AMPH: variants seen among roughly 807,000 people sequenced by gnomAD.
AMPH encodes amphiphysin (Stiff-Mann syndrome with breast cancer 128kD autoantigen).
In AMPH, 49 loss-of-function variants were observed where a neutral mutation model predicts 99.1. The observed-to-expected ratio is 0.49, with a 90% CI of 0.39 to 0.63. AMPH has a LOEUF of 0.63. Among genes scored for constraint, AMPH ranks in the 20% least tolerant of loss-of-function variants. The probability of loss-of-function intolerance (pLI) is 0.00; values close to 1 mark genes in which losing one functional copy is unlikely to be tolerated. For synonymous variants in AMPH, 314 were observed against 317.3 expected (o/e 0.99, Z 0.11); for missense variants, 759 against 863.4 (o/e 0.88, Z 1.52).
intron 15 of AMPH, among the ~76,000 whole-genome samples, chr7:38,425,718 T>C (rs918471737): frequency 6.6e-6 from 1 of 152,096 alleles, no homozygotes; most frequent in Non-Finnish European, 1.5e-5. Context: ...GATAATACTT[T>C]AGAAATCAAG....
At chr7:38,404,058 G>C (rs1435984891) in intron 17 of AMPH, among the ~76,000 whole-genome samples, 1 of 152,146 alleles carries the variant, frequency 6.6e-6, no homozygotes, top group Non-Finnish European at 1.5e-5. Context: ...AGGCCATTTT[G>C]CTGATAGCCA....
intron 5 of AMPH, among the ~76,000 whole-genome samples, chr7:38,482,755 G>A (rs1489446528): frequency 1.3e-5 from 2 of 152,072 alleles, no homozygotes; most frequent in Non-Finnish European, 2.9e-5. Flanking sequence ...TGAACAAGTT[G>A]TAAGCTGCTT....
intron 1 of AMPH, among the ~76,000 whole-genome samples, chr7:38,594,082 G>A (rs561184741): frequency 2.6e-5 from 4 of 152,250 alleles, no homozygotes; most frequent in East Asian, 1.9e-4. Flanking sequence ...AGGGGGTCAC[G>A]GGAAGAAGCA....
At chr7:38,395,871 T>C (rs1297459122) in intron 17 of AMPH, among the ~76,000 whole-genome samples, 1 of 152,210 alleles carries the variant, frequency 6.6e-6, no homozygotes, top group Non-Finnish European at 1.5e-5. Context: ...AAAGCAGTTT[T>C]AAAAACGTTT....
chr7:38,521,395 C>T (rs753819370), intron 2 of AMPH, among the ~76,000 whole-genome samples: 2 of 152,124 alleles, frequency 1.3e-5, no homozygotes, highest in Admixed American at 6.5e-5. Flanking sequence ...GTGGCAGGCA[C>T]CTGTAATCCC....
intron 20 of AMPH, among the ~76,000 whole-genome samples, chr7:38,388,742 T>G (rs1784412253): frequency 6.6e-6 from 1 of 152,112 alleles, no homozygotes; most frequent in African/African-American, 2.4e-5. Context: ...TGGGCTCAAG[T>G]GATCCTCCCA....
chr7:38,428,325 T>A (rs1489806313), intron 14 of AMPH: 1 of 456,624 alleles, frequency 2.2e-6, no homozygotes, highest in Non-Finnish European at 4.4e-6. Flanking sequence ...ATGACTACGG[T>A]TCTCAGTTAC....
At chr7:38,451,361 TATATATATGTGTATATAC>T (rs1787018544) in intron 11 of AMPH, among the ~76,000 whole-genome samples, 1 of 134,750 alleles carries the variant, frequency 7.4e-6, no homozygotes, top group Non-Finnish European at 1.5e-5. Flanking sequence ...TATATACACG[TATATATATGTGTATATAC>T]ACATGTATAT....
In AMPH at chr7:38,580,318, C is replaced by T. The variant is rs141857661; in HGVS notation, c.70-45307G>A. 3.9e-3 allele frequency among the ~76,000 whole-genome samples: 594 copies of T among 152,240 alleles called. 6 individuals carry two copies. The highest frequency in any genetic ancestry group is 0.014 in the African/African-American group (562 of 41,558). ...TCTGAATTCCATTAAGCATGTAAAA[C>T]CCTGCATTCTTTATCTCCTTATTAG... On this transcript the variant is annotated intron_variant, in intron 1 of 20. Transcript: ENST00000356264.
chr7:38,510,367 T>G (rs1423614095), intron 2 of AMPH, among the ~76,000 whole-genome samples: 1 of 152,106 alleles, frequency 6.6e-6, no homozygotes, highest in Non-Finnish European at 1.5e-5. Context: ...CCCAAAACAG[T>G]CACATTCTGA....
intron 13 of AMPH, among the ~76,000 whole-genome samples, chr7:38,431,650 C>T (rs1786033143): frequency 6.8e-6 from 1 of 146,176 alleles, no homozygotes; most frequent in Non-Finnish European, 1.5e-5. Context: ...CAGCGAGACT[C>T]CGTCTTAAAA....
chr7:38,527,158 T>C (rs1272719967), intron 2 of AMPH, among the ~76,000 whole-genome samples: 1 of 152,270 alleles, frequency 6.6e-6, no homozygotes, highest in Non-Finnish European at 1.5e-5. Flanking sequence ...CTTGATTATT[T>C]CACCTATGTG....
intron 1 of AMPH, among the ~76,000 whole-genome samples, chr7:38,536,212 AGTAACAAATT>A (rs1445243483): frequency 6.6e-6 from 1 of 152,220 alleles, no homozygotes; most frequent in Non-Finnish European, 1.5e-5. Context: ...ACAGGACATA[AGTAACAAATT>A]GTACTTGCTG....
intron 1 of AMPH, among the ~76,000 whole-genome samples, chr7:38,553,440 T>C (rs540438672): frequency 2.6e-5 from 4 of 152,304 alleles, no homozygotes; most frequent in African/African-American, 9.6e-5. Flanking sequence ...CAGACAACCA[T>C]TTTGTAGTTT....
intron 12 of AMPH, among the ~76,000 whole-genome samples, chr7:38,433,492 G>A (rs1277549276): frequency 2.0e-5 from 3 of 151,832 alleles, no homozygotes; most frequent in Non-Finnish European, 2.9e-5. Context: ...TTGGGAGGCC[G>A]AGGCGGGCGG....
chr7:38,475,434 CAT>C lies in AMPH; in HGVS notation c.505-20_505-19del, dbSNP rs745428761. 9.6e-6 allele frequency: 15 copies of C among 1,558,282 alleles called. No individual in the cohort carries two copies. The highest frequency in any genetic ancestry group is 2.7e-5 in the African/African-American group (2 of 73,808). ...TCTTCTGCCTAGGAATGAAACATAA[CAT>C]GTGTTTACACTAAGAAAGACCATTT... is the stretch of plus-strand genomic sequence containing the variant. On this transcript the variant is annotated intron_variant, in intron 6 of 20. Transcript: ENST00000356264.
At chr7:38,496,305 T>C (rs1017545151) in intron 3 of AMPH, among the ~76,000 whole-genome samples, 1 of 152,158 alleles carries the variant, frequency 6.6e-6, no homozygotes, top group African/African-American at 2.4e-5. Context: ...GGAGTATGTA[T>C]AAAAGTCCAC....
At chr7:38,389,747 C>T in intron 20 of AMPH, 57 bp downstream of exon 20, 1 of 1,313,726 alleles carries the variant, frequency 7.6e-7, no homozygotes, top group Middle Eastern at 1.8e-4. Context: ...TTGTGTCCAA[C>T]AGACCCTCAG....
At position 38,441,740 on chromosome 7, in the gene AMPH, A is replaced by T. The variant is rs575706748; in HGVS notation, c.1018-5352T>A. Among the ~76,000 whole-genome samples, 213 of 76,244 alleles carry T rather than the reference A, an allele frequency of 2.8e-3. 3 individuals are homozygous for T. Among genetic ancestry groups the T allele is most frequent in the Non-Finnish European group, 4.2e-3 (155 of 36,800 alleles). 50.0% of individuals were successfully genotyped at this position (76,244 alleles called of 152,430 possible). On this transcript the variant is annotated intron_variant, in intron 11 of 20. Coordinates refer to ENST00000356264, the MANE Select transcript of AMPH (RefSeq NM_001635.4). ...CTGGATAAAGAAAATGATATATATG[A>T]CAGATATATCATATATATATCATAT...
Sources: allele counts gnomAD v4.1 joint callset (sites outside exome capture counted in the v4.1 genomes callset), GRCh38; gene constraint gnomAD v4.1.1; transcripts MANE v1.5; gene names NCBI Gene and HGNC (gene_info 2026-07-23, HGNC 2026-07-21).